The following ZNF420 variants were observed in gnomAD, a reference collection of about 807,000 sequenced individuals.
The protein encoded by ZNF420 is zinc finger protein 420, also known as ATM and p53-associated KZNF protein.
A neutral mutation model predicts 44.7 loss-of-function variants in ZNF420; 31 were observed. That is an observed-to-expected ratio of 0.69 (90% CI 0.52 to 0.94). ZNF420 has a LOEUF of 0.94. ZNF420 is among the 40% of genes least tolerant of loss of function. ZNF420 has a pLI of 0.00. For synonymous variants in ZNF420, 245 were observed against 267.4 expected (o/e 0.92, Z 0.82); for missense variants, 681 against 827.9 (o/e 0.82, Z 2.18).
intron 4 of ZNF420, among the ~76,000 whole-genome samples, chr19:37,119,033 A>AC (rs1970864169): frequency 6.6e-6 from 1 of 152,166 alleles, no homozygotes; most frequent in African/African-American, 2.4e-5. Context: ...AGACTTTAAC[A>AC]CCCCACTGTC....
intron 1 of ZNF420, among the ~76,000 whole-genome samples, chr19:37,079,386 T>A (rs1472445919): frequency 6.6e-6 from 1 of 152,212 alleles, no homozygotes; most frequent in Non-Finnish European, 1.5e-5. Context: ...GAGGTCTGCC[T>A]ATGGATTGTG....
intron 1 of ZNF420, among the ~76,000 whole-genome samples, chr19:37,071,920 T>A (rs900745656): frequency 6.6e-6 from 1 of 152,242 alleles, no homozygotes; most frequent in Non-Finnish European, 1.5e-5. Flanking sequence ...CTATATTTAA[T>A]AGAAACTATC....
chr19:37,043,158 A>T (rs562340183), intron 1 of ZNF420, among the ~76,000 whole-genome samples: 1 of 152,382 alleles, frequency 6.6e-6, no homozygotes, highest in African/African-American at 2.4e-5. Context: ...TGTAAGAATT[A>T]CCAAAATGTG....
At chr19:37,055,759 C>A (rs898491633) in intron 1 of ZNF420, among the ~76,000 whole-genome samples, 2 of 152,132 alleles carry the variant, frequency 1.3e-5, no homozygotes, top group Non-Finnish European at 2.9e-5. Context: ...AGAAGGTCAA[C>A]AAAACTGTTT....
chr19:37,087,295 AAAT>A (rs1437790938), intron 2 of ZNF420, among the ~76,000 whole-genome samples: 5,604 of 64,684 alleles, frequency 0.087, 155 homozygotes, highest in South Asian at 0.11. Context: ...AAAAAAAAAT[AAAT>A]AAATAAATAA....
chr19:37,032,480 C>T (rs893369054), intron 1 of ZNF420, among the ~76,000 whole-genome samples: 16 of 147,100 alleles, frequency 1.1e-4, no homozygotes, highest in Admixed American at 4.8e-4. Context: ...CTCCAGCCTG[C>T]GCAGCAGAGT....
upstream of ZNF420, among the ~76,000 whole-genome samples, chr19:37,075,778 AAAAC>A (rs1968136780): frequency 6.6e-6 from 1 of 151,574 alleles, no homozygotes. Flanking sequence ...CAAACAAACA[AAAAC>A]AGAGAGAGAG....
chr19:37,066,315 C>T (rs1967966381), intron 1 of ZNF420, among the ~76,000 whole-genome samples: 2 of 151,972 alleles, frequency 1.3e-5, no homozygotes, highest in Admixed American at 6.6e-5. Context: ...TAGTGGCATG[C>T]GCCTGTAGTC....
intron 4 of ZNF420, chr19:37,106,922 A>C (rs972998997): frequency 6.6e-6 from 1 of 152,030 alleles, no homozygotes; most frequent in Non-Finnish European, 1.5e-5. Context: ...AGGTTAAGAA[A>C]AGGTGCTGTG....
At chr19:37,031,414 C>T (rs917220550) in intron 1 of ZNF420, among the ~76,000 whole-genome samples, 1 of 152,152 alleles carries the variant, frequency 6.6e-6, no homozygotes, top group Admixed American at 6.5e-5. Context: ...TCTTCCTTCC[C>T]CTTATTAGTA....
intron 4 of ZNF420, chr19:37,115,151 G>A (rs112330965): frequency 0.011 from 2,009 of 175,902 alleles, 46 homozygotes; most frequent in African/African-American, 0.044. Flanking sequence ...GACCACGCTC[G>A]AGCGTACCTT....
chr19:37,081,547 G>A (rs1182630225), intron 2 of ZNF420, among the ~76,000 whole-genome samples: 5 of 149,548 alleles, frequency 3.3e-5, no homozygotes, highest in Non-Finnish European at 7.4e-5. Flanking sequence ...TGTCACCCAG[G>A]CTGGAGTGCA....
At chr19:37,029,855 C>T (rs1967225251) in intron 1 of ZNF420, among the ~76,000 whole-genome samples, 1 of 146,244 alleles carries the variant, frequency 6.8e-6, no homozygotes, top group Non-Finnish European at 1.5e-5. Flanking sequence ...ATTTAAGGTA[C>T]ACAATATAAT....
Position 37,089,039 on chromosome 19 carries a change from C to A in ZNF420, c.-80C>A. ...CATGGTTCTGCTTTCTCCTCCGTAG[C>A]TCTGCATTCTCCAGACTCTGTGCTT... is the stretch of plus-strand genomic sequence containing the variant. On this transcript the variant is annotated splice_region_variant and 5_prime_UTR_variant, in exon 3 of 5. Transcript: ENST00000337995. The A allele has an allele frequency of 7.9e-7, 1 of 1,273,508 alleles. No homozygotes were observed. Among genetic ancestry groups the A allele is most frequent in the Non-Finnish European group, 1.2e-6 (1 of 869,084 alleles). 78.9% of individuals were successfully genotyped at this position (1,273,508 alleles called of 1,614,324 possible).
chr19:37,015,462 G>T (rs1340161803), intron 1 of ZNF420, among the ~76,000 whole-genome samples: 2 of 152,176 alleles, frequency 1.3e-5, no homozygotes, highest in African/African-American at 4.8e-5. Context: ...GACCCTAGCT[G>T]TCCTGTCCTC....
Position 37,127,650 on chromosome 19 carries a change from A to G in ZNF420, c.659A>G (p.Glu220Gly). ...LILHHRIHTG[E>G]KPYKCEECGK... Reference sequence around the variant, plus strand: ...TTACATCATAGAATTCATACTGGTGAAAAACCATATAAATGTGAAGAATGT... The same window carrying G: ...TTACATCATAGAATTCATACTGGTGGAAAACCATATAAATGTGAAGAATGT... The change falls in exon 5 of 5, where the codon GAA becomes GGA. Residue 220 changes from glutamate (E) to glycine (G), a missense_variant. Physicochemically the swap from Glu to Gly is moderately conservative, Grantham distance 98 (BLOSUM62 -2). Around this residue, in one of 3 missense-constraint regions of ZNF420, gnomAD observed 350 missense variants for 382.5 expected, o/e 0.92. Coordinates refer to ENST00000337995, the MANE Select transcript of ZNF420 (RefSeq NM_144689.5). 6.2e-7 allele frequency: 1 copy of G among 1,614,032 alleles called. No homozygotes were observed. The highest frequency in any genetic ancestry group is 8.5e-7 in the Non-Finnish European group (1 of 1,179,944).
chr19:37,024,988 G>T, intron 1 of ZNF420: 1 of 210,300 alleles, frequency 4.8e-6, no homozygotes. Context: ...TCTCCAGTAT[G>T]AATACTCTGA....
chr19:37,112,536 C>T (rs1970437284), intron 4 of ZNF420, among the ~76,000 whole-genome samples: 1 of 152,182 alleles, frequency 6.6e-6, no homozygotes, highest in Non-Finnish European at 1.5e-5. Context: ...ATGATAGAGA[C>T]ATCTGCTGCA....
intron 1 of ZNF420, among the ~76,000 whole-genome samples, chr19:37,063,587 G>A (rs1177455354): frequency 2.0e-5 from 3 of 149,966 alleles, no homozygotes; most frequent in Non-Finnish European, 4.4e-5. Flanking sequence ...TGCCTAAAAG[G>A]TAATTTAACT....
Sources: gnomAD v4.1 joint callset for allele counts (sites outside exome capture counted in the v4.1 genomes callset) on GRCh38, gnomAD v4.1.1 for gene constraint, gnomAD v4.1.1 regional missense constraint, MANE v1.5 for transcripts, NCBI Gene and HGNC (gene_info 2026-07-23, HGNC 2026-07-21) for gene names.